Variants in DMD observed in about 807,000 individuals in gnomAD.
DMD encodes the protein mutant dystrophin.
A neutral mutation model predicts 330.1 loss-of-function variants in DMD; 63 were observed. That is an observed-to-expected ratio of 0.19 (90% CI 0.16 to 0.24). The LOEUF is 0.24. Ranked by LOEUF, DMD falls within the 10% of genes least tolerant of loss-of-function variation. The pLI, the probability that DMD is intolerant of heterozygous loss-of-function variation, is 1.00. For missense variants in DMD, 3,344 were observed against 2,684.1 expected (o/e 1.25, Z -5.43); for synonymous variants, 1,223 against 959.8 (o/e 1.27, Z -5.07).
At chrX:32,370,377 A>G (rs1256441510) in intron 34 of DMD, among the ~76,000 whole-genome samples, 1 of 111,002 alleles carries the variant, frequency 9.0e-6, no homozygotes, top group East Asian at 2.8e-4. Flanking sequence ...ATATTTTACT[A>G]TTAGGCTAAT....
At chrX:32,393,916 T>C (rs1260745660) in intron 30 of DMD, among the ~76,000 whole-genome samples, 1 of 111,227 alleles carries the variant, frequency 9.0e-6, no homozygotes, top group Non-Finnish European at 1.9e-5. Flanking sequence ...TCAATGACCA[T>C]TGCAGCTAGA....
intron 7 of DMD, among the ~76,000 whole-genome samples, chrX:32,806,294 C>A (rs1158462516): frequency 4.5e-5 from 5 of 110,365 alleles, no homozygotes; most frequent in African/African-American, 1.7e-4. Context: ...CAATTCTATT[C>A]TCTGATAAAA....
intron 1 of DMD, among the ~76,000 whole-genome samples, chrX:33,072,705 C>T (rs1322605179): frequency 3.6e-5 from 4 of 111,246 alleles, no homozygotes; most frequent in African/African-American, 1.3e-4. Context: ...CGGAGCAGCT[C>T]GGTGAGCATT....
intron 1 of DMD, among the ~76,000 whole-genome samples, chrX:33,243,380 A>C (rs1327813528): frequency 8.9e-6 from 1 of 111,962 alleles, no homozygotes; most frequent in Non-Finnish European, 1.9e-5. Flanking sequence ...ATTATTAAAA[A>C]ACAAATAAAC....
intron 74 of DMD, among the ~76,000 whole-genome samples, chrX:31,168,655 C>G (rs1035482785): frequency 8.0e-5 from 9 of 112,037 alleles, no homozygotes; most frequent in African/African-American, 9.7e-5. Flanking sequence ...TGAGCAACAT[C>G]TACTTTAAAT....
intron 54 of DMD, among the ~76,000 whole-genome samples, chrX:31,632,253 G>A (rs768768935): frequency 5.4e-5 from 6 of 111,487 alleles, no homozygotes; most frequent in South Asian, 3.8e-4. Context: ...GTTGCTTTCC[G>A]GGGTAAGCCT....
chrX:32,491,143 T>C (rs1400513133), intron 20 of DMD, 134 bp downstream of exon 20: 1 of 807,915 alleles, frequency 1.2e-6, no homozygotes, highest in African/African-American at 2.0e-5. Flanking sequence ...GCTTACATTT[T>C]GAACTTTATT....
chrX:31,274,231 T>G (rs753396560), intron 62 of DMD, among the ~76,000 whole-genome samples: 4 of 112,082 alleles, frequency 3.6e-5, no homozygotes, highest in Non-Finnish European at 7.5e-5. Context: ...TTTTTTTGTG[T>G]GTGTGCAAGA....
chrX:31,818,554 T>C (rs2092686675), intron 50 of DMD, among the ~76,000 whole-genome samples: 2 of 110,837 alleles, frequency 1.8e-5, no homozygotes, highest in South Asian at 7.7e-4. Flanking sequence ...ACATAATCTC[T>C]TCATGGAGTT....
chrX:33,243,877 A>C (rs767513148), intron 1 of DMD, among the ~76,000 whole-genome samples: 1 of 111,549 alleles, frequency 9.0e-6, no homozygotes, highest in South Asian at 3.8e-4. Flanking sequence ...ACAATGGGGA[A>C]TCAGAAGGGT....
intron 1 of DMD, among the ~76,000 whole-genome samples, chrX:33,143,647 T>C (rs920968402): frequency 6.3e-5 from 7 of 111,900 alleles, no homozygotes; most frequent in Non-Finnish European, 9.4e-5. Context: ...CTGTTGATGG[T>C]TTTAATAAAA....
At chrX:32,707,663 T>C (rs889445942) in intron 7 of DMD, among the ~76,000 whole-genome samples, 2 of 112,161 alleles carry the variant, frequency 1.8e-5, no homozygotes, top group African/African-American at 3.2e-5. Flanking sequence ...AGTTTACATA[T>C]GTTAAATATA....
At chrX:32,108,255 G>GT (rs1209444677) in intron 44 of DMD, among the ~76,000 whole-genome samples, 1 of 110,115 alleles carries the variant, frequency 9.1e-6, no homozygotes, top group Non-Finnish European at 1.9e-5. Flanking sequence ...GTTCAACAAG[G>GT]TAAGATTGGT....
intron 55 of DMD, among the ~76,000 whole-genome samples, chrX:31,556,265 G>A (rs189676513): frequency 5.3e-4 from 56 of 106,099 alleles, no homozygotes; most frequent in African/African-American, 1.8e-3. Context: ...TGCTCGGGAG[G>A]CTGAGGCAGG....
chrX:32,171,449 T>G (rs746929657), intron 44 of DMD, among the ~76,000 whole-genome samples: 8 of 111,941 alleles, frequency 7.1e-5, no homozygotes, highest in Non-Finnish European at 1.5e-4. Context: ...TTATTAATCC[T>G]TCTTTTAATG....
chrX:31,261,249 A>G, intron 62 of DMD: 3 of 377,683 alleles, frequency 7.9e-6, no homozygotes, highest in Non-Finnish European at 1.4e-5. Context: ...TCGGTTCCAG[A>G]ATTTGTTTCT....
intron 48 of DMD, among the ~76,000 whole-genome samples, chrX:31,857,482 A>C (rs1603501806): frequency 1.8e-5 from 2 of 108,492 alleles, no homozygotes; most frequent in African/African-American, 6.7e-5. Context: ...AAGCTGTTTA[A>C]TGTTCAAATT....
At chrX:32,801,610 T>TA (rs746881686) in intron 7 of DMD, among the ~76,000 whole-genome samples, 4 of 112,150 alleles carry the variant, frequency 3.6e-5, no homozygotes, top group South Asian at 7.4e-4. Context: ...AGGTATTGCC[T>TA]AGGTTTTCTT....
At chrX:32,666,773 G>A (rs1452563605) in intron 9 of DMD, among the ~76,000 whole-genome samples, 1 of 106,913 alleles carries the variant, frequency 9.4e-6, no homozygotes, top group South Asian at 4.3e-4. Flanking sequence ...GGTGCAGTGA[G>A]CTGAAATTGG....
Sources: allele counts gnomAD v4.1 joint callset (sites outside exome capture counted in the v4.1 genomes callset), GRCh38; gene constraint gnomAD v4.1.1; transcripts MANE v1.5; gene names NCBI Gene and HGNC (gene_info 2026-07-23, HGNC 2026-07-21).